Variants in DNAAF4 observed in about 807,000 individuals in gnomAD.
The protein encoded by DNAAF4 is dynein assembly factor 4, axonemal.
In DNAAF4, 43 loss-of-function variants were observed where a neutral mutation model predicts 51.8. That is an observed-to-expected ratio of 0.83 (90% confidence interval 0.65 to 1.07). The LOEUF is 1.07. DNAAF4 is among the 50% of genes least tolerant of loss of function. The probability of loss-of-function intolerance (pLI) is 0.00; values close to 1 mark genes in which losing one functional copy is unlikely to be tolerated. For missense variants in DNAAF4, 581 were observed against 493.0 expected (o/e 1.18, Z -1.69); for synonymous variants, 194 against 165.6 (o/e 1.17, Z -1.32).
At chr15:55,427,191 G>C (rs368658318), downstream of DNAAF4, among the ~76,000 whole-genome samples, 1 of 151,790 alleles carries the variant, frequency 6.6e-6, no homozygotes, top group African/African-American at 2.4e-5. Flanking sequence ...TCAGCCTCCC[G>C]AGTGGCTGGG....
intron 3 of DNAAF4, among the ~76,000 whole-genome samples, chr15:55,496,878 CCT>C (rs1196530320): frequency 1.3e-5 from 2 of 152,096 alleles, no homozygotes; most frequent in East Asian, 3.9e-4. Context: ...TGCCAGAACT[CCT>C]CTTATCTGCC....
At chr15:55,475,221 G>A (rs1010618945) in intron 4 of DNAAF4, among the ~76,000 whole-genome samples, 2 of 152,138 alleles carry the variant, frequency 1.3e-5, no homozygotes, top group African/African-American at 4.8e-5. Flanking sequence ...CATCTGCAAA[G>A]ACAACATGCA....
At chr15:55,444,285 A>G (rs2141436700) in intron 6 of DNAAF4, among the ~76,000 whole-genome samples, 1 of 152,274 alleles carries the variant, frequency 6.6e-6, no homozygotes, top group Non-Finnish European at 1.5e-5. Flanking sequence ...TCCCAGTACC[A>G]TTTATTAAAT....
chr15:55,436,335 C>T (rs771337564), intron 7 of DNAAF4, among the ~76,000 whole-genome samples: 6 of 152,130 alleles, frequency 3.9e-5, no homozygotes, highest in Non-Finnish European at 7.3e-5. Flanking sequence ...ATTTGTCTCT[C>T]TTCTTGGAGA....
intron 6 of DNAAF4, among the ~76,000 whole-genome samples, chr15:55,449,314 T>C (rs1209865000): frequency 6.6e-6 from 1 of 151,616 alleles, no homozygotes; most frequent in Non-Finnish European, 1.5e-5. Flanking sequence ...AAGGATCTTC[T>C]TATTTCTACA....
intron 7 of DNAAF4, chr15:55,418,680 A>C (rs1338552647): frequency 5.3e-6 from 4 of 749,364 alleles, no homozygotes; most frequent in Non-Finnish European, 8.1e-6. Flanking sequence ...ATCAATTTTT[A>C]AAATAAGTTA....
At chr15:55,476,328 G>GT (rs1352027196) in intron 4 of DNAAF4, among the ~76,000 whole-genome samples, 1 of 151,934 alleles carries the variant, frequency 6.6e-6, no homozygotes, top group East Asian at 1.9e-4. Context: ...TGGCATGTGC[G>GT]TGTAGTCCCA....
intron 4 of DNAAF4, 156 bp downstream of exon 4, chr15:55,490,967 A>C (rs1027525011): frequency 4.4e-5 from 35 of 792,264 alleles, no homozygotes; most frequent in South Asian, 1.1e-4. Flanking sequence ...AAAAAAAAAA[A>C]CACACATATA....
intron 5 of DNAAF4, 38 bp downstream of exon 5, chr15:55,466,892 A>T (rs1041401530): frequency 1.9e-6 from 3 of 1,576,064 alleles, no homozygotes; most frequent in Non-Finnish European, 2.6e-6. Context: ...TACTTCACCA[A>T]CAGGACTCAC....
intron 5 of DNAAF4, among the ~76,000 whole-genome samples, chr15:55,460,198 T>TTA (rs2058075464): frequency 6.6e-6 from 1 of 150,552 alleles, no homozygotes; most frequent in Admixed American, 6.6e-5. Context: ...TTTTTTTTTT[T>TTA]GAGACAGAGT....
intron 4 of DNAAF4, among the ~76,000 whole-genome samples, chr15:55,468,784 A>G (rs2058206184): frequency 6.6e-6 from 1 of 152,208 alleles, no homozygotes; most frequent in Non-Finnish European, 1.5e-5. Context: ...ACAACAAAAA[A>G]TAACAGGAAA....
At chr15:55,494,064 T>C (rs1415095842) in intron 3 of DNAAF4, among the ~76,000 whole-genome samples, 1 of 151,414 alleles carries the variant, frequency 6.6e-6, no homozygotes, top group Non-Finnish European at 1.5e-5. Flanking sequence ...AGTTTCGCTC[T>C]TGTTGCCCAG....
chr15:55,497,163 G>C (rs1441022628), intron 3 of DNAAF4, among the ~76,000 whole-genome samples: 3 of 152,034 alleles, frequency 2.0e-5, no homozygotes, highest in African/African-American at 4.8e-5. Context: ...CACCGCTTGG[G>C]GGGTATTCAC....
At chr15:55,470,910 G>C (rs1376927728) in intron 4 of DNAAF4, among the ~76,000 whole-genome samples, 3 of 144,542 alleles carry the variant, frequency 2.1e-5, no homozygotes, top group Non-Finnish European at 3.0e-5. Flanking sequence ...GGAGAGTGCA[G>C]TGGCACAACC....
At chr15:55,429,380 G>A (rs747045089), downstream of DNAAF4, among the ~76,000 whole-genome samples, 207 of 151,670 alleles carry the variant, frequency 1.4e-3, 3 homozygotes, top group Non-Finnish European at 4.9e-4. Context: ...AATTAATCAG[G>A]CGTGGTGGTG....
chr15:55,468,943 CAGAA>C (rs1372738656), intron 4 of DNAAF4, among the ~76,000 whole-genome samples: 1 of 151,948 alleles, frequency 6.6e-6, no homozygotes, highest in Non-Finnish European at 1.5e-5. Context: ...GAGTAGGTAA[CAGAA>C]GGAACTACAA....
intron 6 of DNAAF4, among the ~76,000 whole-genome samples, chr15:55,447,988 C>T (rs1292569712): frequency 6.6e-6 from 1 of 152,076 alleles, no homozygotes; most frequent in Non-Finnish European, 1.5e-5. Context: ...TGTCTTGTGC[C>T]AGTTTTCAAA....
chr15:55,442,438 C>T (rs1365822875), intron 6 of DNAAF4, among the ~76,000 whole-genome samples: 4 of 152,128 alleles, frequency 2.6e-5, no homozygotes, highest in African/African-American at 4.8e-5. Context: ...TCGAAATGCT[C>T]GCAGGAAGTG....
chr15:55,490,907 T>C lies in DNAAF4; in HGVS notation c.405+216A>G, dbSNP rs542716024. The C allele has an allele frequency of 2.6e-3, 1,086 of 415,416 alleles. 5 individuals carry two copies. Among genetic ancestry groups the C allele is most frequent in the Non-Finnish European group, 3.9e-3 (944 of 240,718 alleles). 25.7% of individuals were successfully genotyped at this position (415,416 alleles called of 1,614,324 possible). A position where few individuals can be genotyped will look rare whatever the true frequency, so the allele number is the denominator to read the frequency against. On this transcript the variant is annotated intron_variant, in intron 4 of 9. Coordinates refer to ENST00000321149, the MANE Select transcript of DNAAF4 (RefSeq NM_130810.4). ...AAGTGGAGCTTGCAGTGAGCCCAGATCACCGCACTGCACTCCAGCCTGGGC... is the reference window on the plus strand; with the variant it reads ...AAGTGGAGCTTGCAGTGAGCCCAGACCACCGCACTGCACTCCAGCCTGGGC...
Sources: allele counts gnomAD v4.1 joint callset (sites outside exome capture counted in the v4.1 genomes callset), GRCh38; gene constraint gnomAD v4.1.1; transcripts MANE v1.5; gene names NCBI Gene and HGNC (gene_info 2026-07-23, HGNC 2026-07-21).